Variants in MAML2 observed in about 807,000 individuals in gnomAD.
MAML2 encodes mastermind-like protein 2.
Under a neutral mutation model 96.1 loss-of-function variants are expected in MAML2, and 22 were observed. The observed-to-expected ratio is 0.23, with a 90% confidence interval of 0.16 to 0.33. The LOEUF (loss-of-function observed/expected upper bound fraction) is 0.33. MAML2 is among the 10% of genes least tolerant of loss of function. MAML2 has a pLI of 1.00. For missense variants in MAML2, 1,367 were observed against 1,392.4 expected (o/e 0.98, Z 0.29); for synonymous variants, 561 against 521.3 (o/e 1.08, Z -1.04).
intron 1 of MAML2, among the ~76,000 whole-genome samples, chr11:96,103,998 T>C (rs377441237): frequency 5.3e-5 from 8 of 152,370 alleles, no homozygotes; most frequent in African/African-American, 1.9e-4. Flanking sequence ...TCTCCTATCA[T>C]AGTTAGCTCC....
At chr11:96,305,346 A>C (rs902481166) in intron 1 of MAML2, among the ~76,000 whole-genome samples, 4 of 152,190 alleles carry the variant, frequency 2.6e-5, no homozygotes, top group African/African-American at 9.7e-5. Flanking sequence ...TGTCAACTAC[A>C]GACCTTGGGT....
At chr11:95,985,449 G>T (rs1174673291) in intron 4 of MAML2, 82 bp downstream of exon 4, 1 of 735,916 alleles carries the variant, frequency 1.4e-6, no homozygotes, top group Non-Finnish European at 2.3e-6. Context: ...ATAATCATAT[G>T]TGAGTTACAG....
chr11:96,233,448 C>T (rs570107654), intron 1 of MAML2, among the ~76,000 whole-genome samples: 1 of 151,526 alleles, frequency 6.6e-6, no homozygotes, highest in South Asian at 2.1e-4. Context: ...ACTCTTGTTA[C>T]CCAGGCTGGA....
chr11:96,029,312 T>C (rs919720410), intron 2 of MAML2, among the ~76,000 whole-genome samples: 6 of 152,144 alleles, frequency 3.9e-5, no homozygotes, highest in Admixed American at 2.6e-4. Flanking sequence ...GTTCCCCTGA[T>C]AGGGATGGAC....
intron 2 of MAML2, among the ~76,000 whole-genome samples, chr11:96,044,478 T>C (rs749308752): frequency 7.2e-5 from 11 of 152,166 alleles, no homozygotes; most frequent in Non-Finnish European, 1.2e-4. Flanking sequence ...TTATTGAGTA[T>C]ATATTATGTC....
intron 1 of MAML2, among the ~76,000 whole-genome samples, chr11:96,174,137 C>T (rs76549251): frequency 0.021 from 3,146 of 152,268 alleles, 97 homozygotes; most frequent in African/African-American, 0.071. Context: ...AGGTCAAATT[C>T]GCCTCTCCTT....
At chr11:96,185,146 G>A (rs1861553686) in intron 1 of MAML2, among the ~76,000 whole-genome samples, 1 of 149,784 alleles carries the variant, frequency 6.7e-6, no homozygotes. Context: ...CCGAGGCTGA[G>A]CTGCTCTCAG....
intron 1 of MAML2, among the ~76,000 whole-genome samples, chr11:96,167,818 C>A (rs908456901): frequency 6.6e-6 from 1 of 152,216 alleles, no homozygotes; most frequent in Non-Finnish European, 1.5e-5. Flanking sequence ...CCTGTTCTCA[C>A]TGAGCCATAT....
intron 3 of MAML2, among the ~76,000 whole-genome samples, chr11:95,987,360 A>T (rs1857843241): frequency 6.6e-6 from 1 of 152,202 alleles, no homozygotes; most frequent in Non-Finnish European, 1.5e-5. Context: ...GGCTGTGAGT[A>T]TCATATCAGC....
At chr11:96,003,722 A>C (rs1022827434) in intron 2 of MAML2, among the ~76,000 whole-genome samples, 2 of 152,190 alleles carry the variant, frequency 1.3e-5, no homozygotes, top group African/African-American at 4.8e-5. Flanking sequence ...TATACAACAG[A>C]TTCAAAACAA....
intron 2 of MAML2, among the ~76,000 whole-genome samples, chr11:96,031,529 CA>C (rs1858614620): frequency 2.0e-5 from 3 of 152,148 alleles, no homozygotes; most frequent in African/African-American, 7.2e-5. Context: ...ATGACCCAAA[CA>C]GTTGTTATTC....
intron 2 of MAML2, among the ~76,000 whole-genome samples, chr11:96,049,347 T>C (rs574537728): frequency 6.6e-6 from 1 of 152,350 alleles, no homozygotes; most frequent in African/African-American, 2.4e-5. Flanking sequence ...GTCTCACATA[T>C]ATTTTCATCC....
Position 96,343,043 on chromosome 11 carries a change from C to G in MAML2, c.-1148G>C. 4 of 396,950 alleles carry G rather than the reference C, an allele frequency of 1.0e-5. No individual in the cohort carries two copies. The highest frequency in any genetic ancestry group is 1.8e-5 in the Non-Finnish European group (4 of 225,214). The allele number at this position is 396,950 out of a possible 1,614,324, so 24.6% of individuals were successfully genotyped here. ...GGTTCTATCTCCTGTATTTGCTCCG[C>G]TTTATAGATGGAAAAAAAAAGTAGC... On this transcript the variant is annotated 5_prime_UTR_variant, in exon 1 of 5. Coordinates refer to ENST00000524717, the MANE Select transcript of MAML2 (RefSeq NM_032427.4).
At chr11:96,064,481 G>A (rs1326775820) in intron 2 of MAML2, among the ~76,000 whole-genome samples, 1 of 152,202 alleles carries the variant, frequency 6.6e-6, no homozygotes, top group Admixed American at 6.5e-5. Flanking sequence ...AGTTGTATAT[G>A]TATATATGAA....
chr11:96,132,924 C>A (rs1359829324), intron 1 of MAML2, among the ~76,000 whole-genome samples: 3 of 152,170 alleles, frequency 2.0e-5, no homozygotes, highest in African/African-American at 7.2e-5. Flanking sequence ...ATATTAAATT[C>A]TGTAACATGA....
chr11:96,296,558 G>T (rs1036413908), intron 1 of MAML2, among the ~76,000 whole-genome samples: 5 of 152,284 alleles, frequency 3.3e-5, no homozygotes, highest in Admixed American at 3.3e-4. Flanking sequence ...CAGGAGAATT[G>T]CTTGAACCTG....
At position 96,341,788 on chromosome 11, in the gene MAML2, G is replaced by T; in HGVS notation, c.108C>A (p.Ile36=). 6.2e-7 allele frequency: 1 copy of T among 1,609,658 alleles called. No individual in the cohort carries two copies. The highest frequency in any genetic ancestry group is 1.1e-5 in the South Asian group (1 of 90,370). ...GSVTPRVHSA[I]VERLRARIAV... ...CGATCCGAGCCCGGAGGCGCTCCAC[G>T]ATAGCACTGTGCACTCTCGGGGTGA... Residue 36 remains isoleucine, a synonymous_variant, in exon 1 of 5, where the codon ATC becomes ATA. Coordinates refer to ENST00000524717, the MANE Select transcript of MAML2 (RefSeq NM_032427.4).
At chr11:96,284,009 T>C (rs920384061) in intron 1 of MAML2, among the ~76,000 whole-genome samples, 7 of 152,200 alleles carry the variant, frequency 4.6e-5, no homozygotes, top group African/African-American at 1.7e-4. Context: ...TAATCAACTA[T>C]ATCCTTCTAT....
chr11:96,053,516 G>A (rs1859018403), intron 2 of MAML2, among the ~76,000 whole-genome samples: 1 of 152,200 alleles, frequency 6.6e-6, no homozygotes, highest in Non-Finnish European at 1.5e-5. Context: ...CCTGCCAAGA[G>A]GGGAGAGACT....
Sources: allele counts gnomAD v4.1 joint callset (sites outside exome capture counted in the v4.1 genomes callset), GRCh38; gene constraint gnomAD v4.1.1; transcripts MANE v1.5; gene names NCBI Gene and HGNC (gene_info 2026-07-23, HGNC 2026-07-21).